The following CNTN4 variants were observed in gnomAD, a reference collection of about 807,000 sequenced individuals.
CNTN4 encodes contactin-4.
CNTN4 carries 77 observed loss-of-function variants against 122.5 expected under a neutral mutation model. The ratio of observed to expected loss-of-function variants is 0.63; its 90% CI spans 0.52 to 0.76. The LOEUF (loss-of-function observed/expected upper bound fraction) is 0.76. Ranked by LOEUF, CNTN4 falls within the 30% of genes least tolerant of loss-of-function variation. The pLI, the probability that CNTN4 is intolerant of heterozygous loss-of-function variation, is 0.00. For synonymous variants in CNTN4, 512 were observed against 447.0 expected, an observed-to-expected ratio of 1.15 and a Z score of -1.83; for missense variants, 1,256 against 1,259.1, an observed-to-expected ratio of 1.00 and a Z score of 0.04.
At chr3:2,623,231 A>AT (rs11315990) in intron 4 of CNTN4, among the ~76,000 whole-genome samples, 53,137 of 146,430 alleles carry the variant, frequency 0.36, 9,864 homozygotes, top group East Asian at 0.6. Flanking sequence ...ATGGAGACTA[A>AT]TTTTTTTTTT....
rs781282977 is a variant in CNTN4 at position 2,521,343 on chromosome 3, T to TCGCCCA, written c.-88-50072_-88-50071insGCCCAC. On this transcript the variant is annotated intron_variant, in intron 3 of 24. Transcript: ENST00000418658. ...GTGAACAAGGGTGGACCTCTACCCA[T>TCGCCCA]CCCCCCCACCCCCCGCAATAAGTCA... Among the ~76,000 whole-genome samples, 673 of 128,320 alleles carry TCGCCCA rather than the reference T, an allele frequency of 5.2e-3. 3 individuals are homozygous for TCGCCCA. Among genetic ancestry groups the TCGCCCA allele is most frequent in the East Asian group, 0.014 (60 of 4,306 alleles). The allele number at this position is 128,320 out of a possible 152,430, so 84.2% of individuals were successfully genotyped here.
At chr3:2,218,186 T>C (rs2038924387) in intron 2 of CNTN4, among the ~76,000 whole-genome samples, 1 of 152,052 alleles carries the variant, frequency 6.6e-6, no homozygotes, top group Non-Finnish European at 1.5e-5. Flanking sequence ...TATGGTGGAG[T>C]CAAAGGGAGC....
At chr3:2,100,859 T>C (rs2031879315) in intron 2 of CNTN4, among the ~76,000 whole-genome samples, 1 of 152,202 alleles carries the variant, frequency 6.6e-6, no homozygotes, top group Non-Finnish European at 1.5e-5. Flanking sequence ...AACGTCATTA[T>C]TTTTCCATCT....
intron 8 of CNTN4, among the ~76,000 whole-genome samples, chr3:2,873,209 G>T (rs1457806683): frequency 6.6e-6 from 1 of 152,166 alleles, no homozygotes; most frequent in Non-Finnish European, 1.5e-5. Flanking sequence ...TGCAAAATGG[G>T]TGATTTATAA....
At chr3:2,902,649 A>G (rs988919677) in intron 11 of CNTN4, among the ~76,000 whole-genome samples, 3 of 152,220 alleles carry the variant, frequency 2.0e-5, no homozygotes, top group South Asian at 2.1e-4. Context: ...AACTCAAGAG[A>G]ATCCTACAAT....
chr3:3,007,696 T>C (rs552088278), intron 14 of CNTN4, among the ~76,000 whole-genome samples: 4 of 152,296 alleles, frequency 2.6e-5, no homozygotes, highest in Middle Eastern at 3.4e-3. Flanking sequence ...CACTTATCCA[T>C]CTCCATCACA....
chr3:2,549,130 A>G (rs1000302046), intron 3 of CNTN4, among the ~76,000 whole-genome samples: 2 of 146,764 alleles, frequency 1.4e-5, no homozygotes, highest in African/African-American at 4.9e-5. Context: ...TAAATATACA[A>G]TCATGTCATC....
At chr3:2,604,961 A>T (rs1340948907) in intron 4 of CNTN4, among the ~76,000 whole-genome samples, 4 of 152,162 alleles carry the variant, frequency 2.6e-5, no homozygotes, top group Non-Finnish European at 5.9e-5. Context: ...ATTGTAGGGG[A>T]GATCTCCAGA....
chr3:2,619,489 C>A (rs2081912876), intron 4 of CNTN4, among the ~76,000 whole-genome samples: 1 of 152,090 alleles, frequency 6.6e-6, no homozygotes, highest in Non-Finnish European at 1.5e-5. Context: ...CTGTATATAC[C>A]TTTATTTTGT....
At chr3:2,736,791 T>TTTATTTATTTATTTAC (rs2089139241) in intron 5 of CNTN4, among the ~76,000 whole-genome samples, 4 of 150,540 alleles carry the variant, frequency 2.7e-5, no homozygotes, top group South Asian at 2.1e-4. Flanking sequence ...TATTTATTTA[T>TTTATTTATTTATTTAC]TTATTTATTT....
chr3:2,433,254 C>T (rs1243581524), intron 3 of CNTN4, among the ~76,000 whole-genome samples: 1 of 152,172 alleles, frequency 6.6e-6, no homozygotes, highest in African/African-American at 2.4e-5. Flanking sequence ...TCTACATTCC[C>T]ATGAATAGTG....
At chr3:2,590,210 C>T (rs145561203) in intron 4 of CNTN4, among the ~76,000 whole-genome samples, 110 of 152,238 alleles carry the variant, frequency 7.2e-4, no homozygotes, top group Non-Finnish European at 1.4e-3. Flanking sequence ...TGGAGAATCC[C>T]AAGTGATCAT....
At chr3:2,336,027 G>A (rs73807732) in intron 2 of CNTN4, among the ~76,000 whole-genome samples, 6 of 152,138 alleles carry the variant, frequency 3.9e-5, no homozygotes, top group East Asian at 1.9e-4. Context: ...ACAGTAAAAG[G>A]TATGTGTGTT....
chr3:2,339,640 G>C (rs1167637629), intron 3 of CNTN4, among the ~76,000 whole-genome samples: 3 of 152,170 alleles, frequency 2.0e-5, no homozygotes, highest in Non-Finnish European at 2.9e-5. Context: ...TAAATACTCA[G>C]ATCTTAAAAG....
intron 12 of CNTN4, among the ~76,000 whole-genome samples, chr3:2,924,881 C>G (rs564760080): frequency 6.6e-6 from 1 of 152,164 alleles, no homozygotes; most frequent in Non-Finnish European, 1.5e-5. Context: ...ATGAAGAGTG[C>G]TATGGGACAA....
At chr3:2,328,360 G>A (rs77624354) in intron 2 of CNTN4, among the ~76,000 whole-genome samples, 1 of 148,818 alleles carries the variant, frequency 6.7e-6, no homozygotes, top group Non-Finnish European at 1.5e-5. Flanking sequence ...GAGCCAAGAT[G>A]GCGCCACCGC....
chr3:2,120,387 ATATATATATATATATATATTTTT>A (rs2033668476), intron 2 of CNTN4, among the ~76,000 whole-genome samples: 2 of 89,432 alleles, frequency 2.2e-5, no homozygotes, highest in Admixed American at 1.1e-4. Flanking sequence ...ATATATATAT[ATATATATATATATATATATTTTT>A]TTTTTTTTTT....
chr3:2,442,005 G>A (rs1275718201), intron 3 of CNTN4, among the ~76,000 whole-genome samples: 1 of 151,922 alleles, frequency 6.6e-6, no homozygotes, highest in Non-Finnish European at 1.5e-5. Flanking sequence ...CCTCTTTCCA[G>A]TAACTAATAT....
intron 8 of CNTN4, among the ~76,000 whole-genome samples, chr3:2,878,553 CTG>C (rs60925207): frequency 0.34 from 50,486 of 146,672 alleles, 8,614 homozygotes; most frequent in Non-Finnish European, 0.39. Flanking sequence ...GAGATGCTCT[CTG>C]TGTGTGTGTG....
Sources: gnomAD v4.1 joint callset for allele counts (sites outside exome capture counted in the v4.1 genomes callset) on GRCh38, gnomAD v4.1.1 for gene constraint, MANE v1.5 for transcripts, NCBI Gene and HGNC (gene_info 2026-07-23, HGNC 2026-07-21) for gene names.